BICC1: variants seen among roughly 807,000 people sequenced by gnomAD.
BICC1 encodes the protein BicC family RNA binding protein 1.
A neutral mutation model predicts 111.0 loss-of-function variants in BICC1; 43 were observed. That is an observed-to-expected ratio of 0.39 (90% confidence interval 0.30 to 0.50). BICC1 has a LOEUF of 0.50. Ranked by LOEUF, BICC1 falls within the 20% of genes least tolerant of loss-of-function variation. The pLI is 0.88. For missense variants in BICC1, 1,091 were observed against 1,203.2 expected, an observed-to-expected ratio of 0.91 and a Z score of 1.38; for synonymous variants, 467 against 434.4, an observed-to-expected ratio of 1.07 and a Z score of -0.93.
At chr10:58,534,039 A>C (rs1842758066) in intron 1 of BICC1, among the ~76,000 whole-genome samples, 1 of 151,920 alleles carries the variant, frequency 6.6e-6, no homozygotes, top group Non-Finnish European at 1.5e-5. Context: ...GACACTTTAG[A>C]TATAAGGACA....
chr10:58,524,471 T>C, intron 1 of BICC1, among the ~76,000 whole-genome samples: 1 of 152,154 alleles, frequency 6.6e-6, no homozygotes, highest in South Asian at 2.1e-4. Flanking sequence ...ATTTAATAAA[T>C]GGTGCTGGGA....
chr10:58,800,087 A>T (rs1843491817), intron 12 of BICC1, 107 bp from the exon 13 acceptor site: 1 of 758,454 alleles, frequency 1.3e-6, no homozygotes, highest in Non-Finnish European at 2.1e-6. Context: ...GAAGTATTCC[A>T]GGGTGGTTTT....
intron 20 of BICC1, among the ~76,000 whole-genome samples, chr10:58,822,406 A>G (rs931768392): frequency 4.6e-5 from 7 of 152,146 alleles, no homozygotes; most frequent in Non-Finnish European, 8.8e-5. Context: ...ATATATCAGT[A>G]TCTTTTGGGG....
At chr10:58,580,752 A>G (rs530391720) in intron 1 of BICC1, among the ~76,000 whole-genome samples, 18 of 152,234 alleles carry the variant, frequency 1.2e-4, no homozygotes, top group African/African-American at 4.3e-4. Context: ...CCTTCCCAAT[A>G]TCAAGCAATA....
At chr10:58,786,711 C>A (rs929089765) in intron 4 of BICC1, among the ~76,000 whole-genome samples, 1 of 152,122 alleles carries the variant, frequency 6.6e-6, no homozygotes, top group Non-Finnish European at 1.5e-5. Context: ...TCTATTTCTT[C>A]TGACAAATCT....
chr10:58,635,163 A>G (rs958570042), intron 2 of BICC1, among the ~76,000 whole-genome samples: 2 of 152,168 alleles, frequency 1.3e-5, no homozygotes, highest in Middle Eastern at 3.4e-3. Flanking sequence ...ATACTGTGAG[A>G]TACTAGTTCT....
chr10:58,655,892 A>T (rs571347107), intron 2 of BICC1, among the ~76,000 whole-genome samples: 1 of 152,140 alleles, frequency 6.6e-6, no homozygotes, highest in East Asian at 1.9e-4. Context: ...TTTTAGCATG[A>T]AGGGTTGTTG....
intron 3 of BICC1, among the ~76,000 whole-genome samples, chr10:58,737,674 A>C (rs933600773): frequency 6.6e-6 from 1 of 152,182 alleles, no homozygotes; most frequent in African/African-American, 2.4e-5. Flanking sequence ...GAATCGCCAC[A>C]CTGTCTTCCA....
intron 1 of BICC1, among the ~76,000 whole-genome samples, chr10:58,544,251 T>G (rs1197038613): frequency 1.3e-5 from 2 of 152,198 alleles, no homozygotes; most frequent in Admixed American, 1.3e-4. Flanking sequence ...ATGTGCTGAA[T>G]AGACATTTCC....
chr10:58,528,083 T>G (rs1842591902), intron 1 of BICC1, among the ~76,000 whole-genome samples: 1 of 151,960 alleles, frequency 6.6e-6, no homozygotes, highest in African/African-American at 2.4e-5. Context: ...CTGGACTGTG[T>G]TTATAGAATA....
chr10:58,745,891 G>A (rs1305201725), intron 3 of BICC1, among the ~76,000 whole-genome samples: 2 of 151,562 alleles, frequency 1.3e-5, no homozygotes, highest in Non-Finnish European at 2.9e-5. Context: ...TGTTCTGTCT[G>A]ATTTGTGTTT....
At chr10:58,733,608 C>T (rs974130839) in intron 3 of BICC1, among the ~76,000 whole-genome samples, 3 of 152,218 alleles carry the variant, frequency 2.0e-5, no homozygotes, top group Non-Finnish European at 4.4e-5. Context: ...CTGCTCAAGC[C>T]TGTTTCTATG....
chr10:58,554,623 A>T (rs1263149385), intron 1 of BICC1, among the ~76,000 whole-genome samples: 1 of 152,068 alleles, frequency 6.6e-6, no homozygotes, highest in Non-Finnish European at 1.5e-5. Flanking sequence ...CAGAAAAAAA[A>T]TGCTTGTGTG....
chr10:58,724,308 C>G (rs952365642), intron 3 of BICC1, among the ~76,000 whole-genome samples: 1 of 152,150 alleles, frequency 6.6e-6, no homozygotes, highest in African/African-American at 2.4e-5. Context: ...TCTCATGGCT[C>G]TTTACAAAGG....
intron 3 of BICC1, among the ~76,000 whole-genome samples, chr10:58,723,543 C>T (rs748056422): frequency 1.9e-4 from 29 of 152,140 alleles, no homozygotes; most frequent in African/African-American, 6.0e-4. Context: ...TTTGGTGAGA[C>T]GGGTATGGCA....
chr10:58,647,349 T>G lies in BICC1; in HGVS notation c.237+26448T>G, dbSNP rs75609431. Among the ~76,000 whole-genome samples the G allele has an allele frequency of 3.5e-4, 54 of 152,300 alleles. No homozygotes were observed. In the East Asian group the frequency reaches 8.9e-3, roughly 25 times the overall value. Reference sequence around the variant, plus strand: ...AATTTAGTTCATAAAACATTGAAAGTGTATTATTTTAGGAAAGAGCATGAA... The same window carrying G: ...AATTTAGTTCATAAAACATTGAAAGGGTATTATTTTAGGAAAGAGCATGAA... On this transcript the variant is annotated intron_variant, in intron 2 of 20. Transcript: ENST00000373886.
chr10:58,513,637 A>C (rs1292693427), intron 1 of BICC1, among the ~76,000 whole-genome samples: 1 of 152,188 alleles, frequency 6.6e-6, no homozygotes, highest in African/African-American at 2.4e-5. Context: ...GGAGATGCCA[A>C]CTTTAGCCCG....
intron 1 of BICC1, among the ~76,000 whole-genome samples, chr10:58,602,517 T>A (rs1366611622): frequency 1.3e-5 from 2 of 152,164 alleles, no homozygotes; most frequent in Non-Finnish European, 2.9e-5. Context: ...CGGAATAAAT[T>A]ATAATCAGAT....
At chr10:58,531,371 AG>A (rs1240661253) in intron 1 of BICC1, among the ~76,000 whole-genome samples, 1 of 151,878 alleles carries the variant, frequency 6.6e-6, no homozygotes, top group Non-Finnish European at 1.5e-5. Context: ...ACATAGGCTC[AG>A]AAAAAATTCA....
Sources: allele counts gnomAD v4.1 joint callset (sites outside exome capture counted in the v4.1 genomes callset), GRCh38; gene constraint gnomAD v4.1.1; transcripts MANE v1.5; gene names NCBI Gene and HGNC (gene_info 2026-07-23, HGNC 2026-07-21).